Variants in PMFBP1 observed in about 807,000 individuals in gnomAD.
PMFBP1 encodes the protein polyamine modulated factor 1 binding protein 1, also known as polyamine-modulated factor 1-binding protein 1.
In PMFBP1, 131 loss-of-function variants were observed where a neutral mutation model predicts 137.8. The ratio of observed to expected loss-of-function variants is 0.95; its 90% confidence interval spans 0.82 to 1.10. The LOEUF (loss-of-function observed/expected upper bound fraction) is 1.10, where lower values mean the gene tolerates loss of function less well. Ranked by LOEUF, PMFBP1 falls within the 50% of genes least tolerant of loss-of-function variation. The probability of loss-of-function intolerance (pLI) is 0.00; values close to 1 mark genes in which losing one functional copy is unlikely to be tolerated. For synonymous variants in PMFBP1, 490 were observed against 450.4 expected, an observed-to-expected ratio of 1.09 and a Z score of -1.11; for missense variants, 1,199 against 1,175.4, an observed-to-expected ratio of 1.02 and a Z score of -0.29.
intron 9 of PMFBP1, among the ~76,000 whole-genome samples, chr16:72,134,097 T>C (rs1325061647): frequency 6.6e-6 from 1 of 152,154 alleles, no homozygotes; most frequent in Non-Finnish European, 1.5e-5. Flanking sequence ...ATTTGGTCTC[T>C]CAAGTCGCCT....
At chr16:72,125,036 G>A in intron 16 of PMFBP1, 102 bp from the exon 17 acceptor site, 1 of 1,456,334 alleles carries the variant, frequency 6.9e-7, no homozygotes, top group Non-Finnish European at 9.3e-7. Context: ...GATACGTGTT[G>A]GGGGTATTTT....
intron 4 of PMFBP1, among the ~76,000 whole-genome samples, chr16:72,153,636 C>G (rs2042936163): frequency 6.6e-6 from 1 of 151,384 alleles, no homozygotes; most frequent in South Asian, 2.1e-4. Flanking sequence ...AAATACCACC[C>G]TGGAACATGA....
intron 3 of PMFBP1, among the ~76,000 whole-genome samples, chr16:72,164,152 C>T (rs57186116): frequency 0.087 from 13,258 of 152,036 alleles, 933 homozygotes; most frequent in South Asian, 0.32. Flanking sequence ...TGAGACAGCA[C>T]GCCTCGGGTT....
intron 3 of PMFBP1, among the ~76,000 whole-genome samples, chr16:72,159,619 A>G (rs2043031913): frequency 6.6e-6 from 1 of 152,208 alleles, no homozygotes; most frequent in African/African-American, 2.4e-5. Context: ...ATCAAATTTC[A>G]AAGACTTGGA....
chr16:72,239,915 A>AAAAAAAAAAAAAAAAAAAAAAAAAG, the PMFBP1 span, among the ~76,000 whole-genome samples: 1 of 145,050 alleles, frequency 6.9e-6, no homozygotes. Flanking sequence ...AAAAAAAAAA[A>AAAAAAAAAAAAAAAAAAAAAAAAAG]AAGAATGTTC....
At chr16:72,235,736 T>A in the PMFBP1 span, among the ~76,000 whole-genome samples, 6 of 151,610 alleles carry the variant, frequency 4.0e-5, no homozygotes, top group Non-Finnish European at 5.9e-5. Flanking sequence ...TTCCCAAGTT[T>A]AAAAAAAATA....
At chr16:72,242,912 G>T in the PMFBP1 span, among the ~76,000 whole-genome samples, 1 of 152,192 alleles carries the variant, frequency 6.6e-6, no homozygotes, top group Non-Finnish European at 1.5e-5. Context: ...GAAGGGAGGA[G>T]AGCGACGAAG....
chr16:72,150,645 T>G lies in PMFBP1; in HGVS notation c.599A>C (p.Lys200Thr). The G allele has an allele frequency of 1.9e-6, 3 of 1,613,874 alleles. 1 individual carries two copies. In the South Asian group the frequency reaches 3.3e-5, roughly 18 times the overall value. The change falls in exon 5 of 21, where the codon AAG becomes ACG. Residue 200 changes from lysine to threonine, a missense_variant. Coordinates refer to ENST00000237353, the MANE Select transcript of PMFBP1 (RefSeq NM_031293.3). ...SNIELLECQV[K>T]MLQGELGGIM... is the part of the protein sequence containing the mutation. ...CCCGCCGAGTTCCCCCTGCAACATC[T>G]TCACTTGGCATTCTAGTAACTCGAT...
the PMFBP1 span, among the ~76,000 whole-genome samples, chr16:72,205,385 A>T: frequency 6.6e-6 from 1 of 152,230 alleles, no homozygotes; most frequent in Non-Finnish European, 1.5e-5. Context: ...TTTGGAGAGC[A>T]TAATAAGTTT....
At chr16:72,214,287 C>T in the PMFBP1 span, among the ~76,000 whole-genome samples, 58 of 152,058 alleles carry the variant, frequency 3.8e-4, no homozygotes, top group Non-Finnish European at 4.1e-4. Context: ...CTCTGCCTCC[C>T]GGGTTCACAC....
upstream of PMFBP1, among the ~76,000 whole-genome samples, chr16:72,176,217 A>T (rs1456584728): frequency 1.3e-5 from 2 of 152,154 alleles, no homozygotes; most frequent in Non-Finnish European, 2.9e-5. Flanking sequence ...CTCCAGAAAG[A>T]GGCTTTTGAA....
the PMFBP1 span, among the ~76,000 whole-genome samples, chr16:72,196,851 T>C: frequency 6.6e-6 from 1 of 152,066 alleles, no homozygotes; most frequent in Non-Finnish European, 1.5e-5. Flanking sequence ...ACATTAGGAG[T>C]ATGTCAGCAA....
the PMFBP1 span, among the ~76,000 whole-genome samples, chr16:72,223,203 T>C: frequency 6.6e-6 from 1 of 151,952 alleles, no homozygotes; most frequent in Non-Finnish European, 1.5e-5. Context: ...AGTTGAGGAG[T>C]ATGTCACAGC....
At chr16:72,123,040 G>T in intron 18 of PMFBP1, 52 bp from the exon 19 acceptor site, 1 of 1,523,594 alleles carries the variant, frequency 6.6e-7, no homozygotes. Flanking sequence ...CCTCCCGCGA[G>T]CAAGGGTGCA....
chr16:72,184,972 G>A, the PMFBP1 span, among the ~76,000 whole-genome samples: 5,515 of 151,868 alleles, frequency 0.036, 302 homozygotes, highest in African/African-American at 0.13. Context: ...TTGCTCTCAA[G>A]GTAAAGTGTT....
the PMFBP1 span, among the ~76,000 whole-genome samples, chr16:72,202,078 T>C: frequency 1.3e-5 from 2 of 152,226 alleles, no homozygotes; most frequent in South Asian, 2.1e-4. Context: ...ATGACTAGCA[T>C]GGTTCATTGT....
chr16:72,221,090 A>G, the PMFBP1 span, among the ~76,000 whole-genome samples: 2 of 152,116 alleles, frequency 1.3e-5, no homozygotes, highest in Admixed American at 1.3e-4. Context: ...AAAAGCCCAT[A>G]AAGTCTGAAA....
chr16:72,170,350 G>T (rs1470029378), intron 2 of PMFBP1, among the ~76,000 whole-genome samples: 1 of 151,938 alleles, frequency 6.6e-6, no homozygotes, highest in East Asian at 1.9e-4. Context: ...AAAGCATATG[G>T]TACATGGGAC....
intron 3 of PMFBP1, among the ~76,000 whole-genome samples, chr16:72,159,565 A>G (rs917070159): frequency 1.3e-5 from 2 of 152,232 alleles, no homozygotes; most frequent in Non-Finnish European, 2.9e-5. Context: ...TTGGATAGGA[A>G]TTTTAAACAT....
Sources: gnomAD v4.1 joint callset for allele counts (sites outside exome capture counted in the v4.1 genomes callset) on GRCh38, gnomAD v4.1.1 for gene constraint, MANE v1.5 for transcripts, NCBI Gene and HGNC (gene_info 2026-07-23, HGNC 2026-07-21) for gene names.